KIF20B: variants seen among roughly 807,000 people sequenced by gnomAD.
The protein encoded by KIF20B is kinesin-like protein KIF20B.
Under a neutral mutation model 232.5 loss-of-function variants are expected in KIF20B, and 188 were observed. The ratio of observed to expected loss-of-function variants is 0.81; its 90% CI spans 0.72 to 0.91. The LOEUF is 0.91. Ranked by LOEUF, KIF20B falls within the 40% of genes least tolerant of loss-of-function variation. The probability of loss-of-function intolerance (pLI) is 0.00; values close to 1 mark genes in which losing one functional copy is unlikely to be tolerated. For missense variants in KIF20B, 2,154 were observed against 2,055.9 expected (o/e 1.05, Z -0.92); for synonymous variants, 712 against 683.0 (o/e 1.04, Z -0.66).
chr10:89,771,696 G>T (rs1376144890), intron 31 of KIF20B, among the ~76,000 whole-genome samples: 2 of 151,902 alleles, frequency 1.3e-5, no homozygotes, highest in African/African-American at 2.4e-5. Context: ...ACTGTAACTC[G>T]GTACTTTTCC....
chr10:89,759,669 C>T (rs1420564780), intron 27 of KIF20B, among the ~76,000 whole-genome samples: 2 of 152,090 alleles, frequency 1.3e-5, no homozygotes, highest in Non-Finnish European at 2.9e-5. Context: ...AATTACTTAA[C>T]ATTTCTGATC....
chr10:89,757,040 G>GTGTATATATATATATA lies in KIF20B; in HGVS notation c.4504-1665_4504-1664insGTATATATATATATAT, dbSNP rs1301847520. Among the ~76,000 whole-genome samples, 397 of 110,608 alleles carry GTGTATATATATATATA rather than the reference G, an allele frequency of 3.6e-3. 1 individual carries two copies. Among genetic ancestry groups the GTGTATATATATATATA allele is most frequent in the Non-Finnish European group, 5.2e-3 (280 of 53,996 alleles). 72.6% of individuals were successfully genotyped at this position (110,608 alleles called of 152,430 possible). ...ATCTCTGTTGTGTGTGTGTGTGTGT[G>GTGTATATATATATATA]TATATATATATATATATATATATAT... On this transcript the variant is annotated intron_variant, in intron 26 of 32. Coordinates refer to ENST00000371728, the MANE Select transcript of KIF20B (RefSeq NM_001284259.2).
rs201777411 is a variant in KIF20B, at chr10:89,724,159, GT to G, written c.1862+67del. 2,941 of 1,047,986 alleles carry G rather than the reference GT, an allele frequency of 2.8e-3. 1 individual carries two copies. Among genetic ancestry groups the G allele is most frequent in the South Asian group, 3.9e-3 (161 of 40,768 alleles). 64.9% of individuals were successfully genotyped at this position (1,047,986 alleles called of 1,614,324 possible). Reference sequence around the variant, plus strand: ...ATTGAGAATTTTATTTAGTTTTTTAGTTTTTTTTTTTACTTAGTTTACTTTT... The same window carrying G: ...ATTGAGAATTTTATTTAGTTTTTTAGTTTTTTTTTTACTTAGTTTACTTTT... On this transcript the variant is annotated intron_variant, in intron 14 of 32. Transcript: ENST00000371728.
At chr10:89,753,950 TTTCAAATGAAG>T (rs565135627) in intron 25 of KIF20B, among the ~76,000 whole-genome samples, 158 of 152,156 alleles carry the variant, frequency 1.0e-3, no homozygotes, top group Admixed American at 2.2e-3. Context: ...ATTATTTTTA[TTTCAAATGAAG>T]TTCTACTTGG....
chr10:89,725,112 G>T lies in KIF20B; in HGVS notation c.1955G>T (p.Arg652Leu). 6.2e-7 allele frequency: 1 copy of T among 1,614,004 alleles called. No individual in the cohort carries two copies. ...FKDLVGKCDT[R>L]EEAAKDICAT... is the part of the protein sequence containing the mutation. ...GATTTGGTTGGTAAATGTGACACTC[G>T]AGAAGAAGCAGCGAAAGACATTTGT... The change falls in exon 15 of 33, where the codon CGA (arginine) becomes CTA (leucine). Residue 652 changes from arginine (R) to leucine (L), a missense_variant. Physicochemically the swap from Arg to Leu is moderately radical, Grantham distance 102. Transcript: ENST00000371728.
chr10:89,738,498 T>A lies in KIF20B; in HGVS notation c.3657T>A (p.Asn1219Lys), dbSNP rs762715615. 6.2e-7 allele frequency: 1 copy of A among 1,605,334 alleles called. No homozygotes were observed. The highest frequency in any genetic ancestry group is 1.1e-5 in the South Asian group (1 of 88,392). ...CTGTCAAAAACACCAAAGATTTAAATGTAAAGGAACTCAAGCTGAAAGAAG... is the reference window on the plus strand; with the variant it reads ...CTGTCAAAAACACCAAAGATTTAAAAGTAAAGGAACTCAAGCTGAAAGAAG... ...QDSVKNTKDL[N>K]VKELKLKEEI... Residue 1219 changes from asparagine (N) to lysine (K), a missense_variant, in exon 20 of 33, where the codon AAT (asparagine) becomes AAA (lysine). Coordinates refer to ENST00000371728, the MANE Select transcript of KIF20B (RefSeq NM_001284259.2).
At position 89,721,487 on chromosome 10, in the gene KIF20B, C is replaced by T. The variant is rs1233663662; in HGVS notation, c.1722+1781C>T. ...AGGAGTTCAAAACTAGCCTGGGCAA[C>T]ATAGTGAGACCCCATCTCTACAAAA... On this transcript the variant is annotated intron_variant, in intron 13 of 32. Transcript: ENST00000371728. 2.0e-5 allele frequency among the ~76,000 whole-genome samples: 3 copies of T among 152,030 alleles called. No individual in the cohort carries two copies. In the East Asian group the frequency reaches 5.8e-4, roughly 29 times the overall value.
At chr10:89,748,870 CT>C (rs1841971411) in intron 23 of KIF20B, among the ~76,000 whole-genome samples, 1 of 151,884 alleles carries the variant, frequency 6.6e-6, no homozygotes, top group South Asian at 2.1e-4. Context: ...TGACTTCCAC[CT>C]TTTCTATGCT....
At chr10:89,719,095 A>C (rs1842994636) in intron 12 of KIF20B, among the ~76,000 whole-genome samples, 1 of 152,192 alleles carries the variant, frequency 6.6e-6, no homozygotes, top group Admixed American at 6.5e-5. Context: ...GTTATAAATT[A>C]ATGAGTATTT....
intron 21 of KIF20B, among the ~76,000 whole-genome samples, chr10:89,741,229 T>C (rs1334002323): frequency 1.3e-5 from 2 of 152,146 alleles, no homozygotes; most frequent in Non-Finnish European, 2.9e-5. Context: ...GGGTTTGCAC[T>C]CCTATGAGAA....
At position 89,772,317 on chromosome 10, in the gene KIF20B, T is replaced by C. The variant is rs536900053; in HGVS notation, c.5243-372T>C. ...CTTTATGCATGAGCATTGAACTAGA[T>C]CATCTACCACCTTATTTTTAATGCT... On this transcript the variant is annotated intron_variant, in intron 31 of 32. Transcript: ENST00000371728. 1.4e-3 allele frequency among the ~76,000 whole-genome samples: 212 copies of C among 152,140 alleles called. 2 individuals carry two copies. The highest frequency in any genetic ancestry group is 4.7e-3 in the African/African-American group (197 of 41,540).
chr10:89,717,789 T>C (rs112173887), intron 11 of KIF20B, 67 bp downstream of exon 11: 14 of 1,178,074 alleles, frequency 1.2e-5, no homozygotes, highest in Non-Finnish European at 1.7e-5. Flanking sequence ...AACTTTTTTG[T>C]TTTTAGAAAG....
Position 89,719,717 on chromosome 10 carries a change from A to C in KIF20B, c.1722+11A>C, listed in dbSNP as rs1243227197. ...CACGAGGAGAAAAGAGTATGTATTA[A>C]GAACTCATACTTCTATGCTTGTCTT... On this transcript the variant is annotated intron_variant, in intron 13 of 32. Coordinates refer to ENST00000371728, the MANE Select transcript of KIF20B (RefSeq NM_001284259.2). The C allele has an allele frequency of 3.8e-6, 6 of 1,566,996 alleles. No individual in the cohort carries two copies. Among genetic ancestry groups the C allele is most frequent in the Non-Finnish European group, 5.2e-6 (6 of 1,154,554 alleles).
intron 23 of KIF20B, among the ~76,000 whole-genome samples, chr10:89,747,881 TATAATA>T (rs145154217): frequency 0.31 from 47,072 of 150,674 alleles, 8,211 homozygotes; most frequent in African/African-American, 0.47. Context: ...AAACTTAAAG[TATAATA>T]ATAATAATAA....
Position 89,716,421 on chromosome 10 carries a change from C to G in KIF20B, c.941-15C>G, listed in dbSNP as rs1190723890. 9.1e-7 allele frequency: 1 copy of G among 1,102,490 alleles called. No homozygotes were observed. The highest frequency in any genetic ancestry group is 1.3e-6 in the Non-Finnish European group (1 of 745,938). 68.3% of individuals were successfully genotyped at this position (1,102,490 alleles called of 1,614,324 possible). A position where few individuals can be genotyped will look rare whatever the true frequency, so the allele number is the denominator to read the frequency against. ...GTCTCAATAAATTAATATATATCCT[C>G]TTTATTTTTTAAAGATCTACAATGG... On this transcript the variant is annotated splice_polypyrimidine_tract_variant and intron_variant, in intron 8 of 32. Transcript: ENST00000371728.
intron 1 of KIF20B, among the ~76,000 whole-genome samples, chr10:89,704,619 C>T (rs563414531): frequency 3.3e-5 from 5 of 151,772 alleles, no homozygotes; most frequent in South Asian, 2.1e-4. Flanking sequence ...TGCAGTGGCG[C>T]GATCGCGATT....
intron 31 of KIF20B, among the ~76,000 whole-genome samples, chr10:89,772,444 A>G (rs1842481550): frequency 6.6e-6 from 1 of 152,018 alleles, no homozygotes. Context: ...ATTGAACATT[A>G]ATCAAATGAT....
intron 18 of KIF20B, among the ~76,000 whole-genome samples, chr10:89,732,028 T>C (rs550412525): frequency 1.3e-5 from 2 of 152,216 alleles, no homozygotes; most frequent in Admixed American, 1.3e-4. Flanking sequence ...TACATTTGAT[T>C]ACTCTATAGA....
intron 23 of KIF20B, among the ~76,000 whole-genome samples, chr10:89,750,400 CT>C (rs1255405914): frequency 6.6e-6 from 1 of 152,092 alleles, no homozygotes; most frequent in Non-Finnish European, 1.5e-5. Context: ...AGGAGGAATT[CT>C]GTTTTACTAG....
Sources: gnomAD v4.1 joint callset for allele counts (sites outside exome capture counted in the v4.1 genomes callset) on GRCh38, gnomAD v4.1.1 for gene constraint, MANE v1.5 for transcripts, NCBI Gene and HGNC (gene_info 2026-07-23, HGNC 2026-07-21) for gene names.